SNX8: variants seen among roughly 807,000 people sequenced by gnomAD.
SNX8 encodes sorting nexin 8.
SNX8 carries 25 observed loss-of-function variants against 51.6 expected under a neutral mutation model. The observed-to-expected ratio is 0.48, with a 90% confidence interval of 0.35 to 0.68. SNX8 has a LOEUF of 0.68. SNX8 is among the 30% of genes least tolerant of loss of function. The probability of loss-of-function intolerance (pLI) is 0.00; values close to 1 mark genes in which losing one functional copy is unlikely to be tolerated. For synonymous variants in SNX8, 324 were observed against 277.0 expected, an observed-to-expected ratio of 1.17 and a Z score of -1.68; for missense variants, 695 against 624.0, an observed-to-expected ratio of 1.11 and a Z score of -1.21.
At chr7:2,326,459 A>G (rs1778623023) in intron 1 of SNX8, among the ~76,000 whole-genome samples, 1 of 151,848 alleles carries the variant, frequency 6.6e-6, no homozygotes, top group Non-Finnish European at 1.5e-5. Flanking sequence ...AGGTCAGGAG[A>G]TCAAGACCAT....
intron 1 of SNX8, among the ~76,000 whole-genome samples, chr7:2,299,621 CAA>C (rs1337574947): frequency 2.0e-5 from 3 of 152,120 alleles, no homozygotes; most frequent in Admixed American, 6.6e-5. Flanking sequence ...TTTGGAGTTC[CAA>C]AAAGAGTCCT....
intron 4 of SNX8, among the ~76,000 whole-genome samples, chr7:2,270,766 G>A (rs761531127): frequency 2.0e-5 from 3 of 152,194 alleles, no homozygotes; most frequent in Non-Finnish European, 4.4e-5. Context: ...CGAGAGGAAC[G>A]AAGACAAAAG....
At chr7:2,327,815 TG>T (rs761675864) in intron 1 of SNX8, among the ~76,000 whole-genome samples, 111 of 151,870 alleles carry the variant, frequency 7.3e-4, no homozygotes, top group African/African-American at 2.2e-3. Flanking sequence ...GTGCTGGGAT[TG>T]ACAGGCGTGA....
At chr7:2,337,850 TG>T (rs1223759656) in intron 1 of SNX8, among the ~76,000 whole-genome samples, 3 of 64,746 alleles carry the variant, frequency 4.6e-5, no homozygotes, top group Non-Finnish European at 8.4e-5. Flanking sequence ...AAGGATATCT[TG>T]TAAAAAAAAA....
intron 7 of SNX8, 55 bp from the exon 8 acceptor site, chr7:2,257,858 C>T (rs2115090626): frequency 6.5e-7 from 1 of 1,538,118 alleles, no homozygotes; most frequent in Non-Finnish European, 9.0e-7. Context: ...CCGGTCCCTG[C>T]CCGGGAACTC....
At chr7:2,301,063 T>C (rs1185124162) in intron 1 of SNX8, among the ~76,000 whole-genome samples, 1 of 152,262 alleles carries the variant, frequency 6.6e-6, no homozygotes, top group African/African-American at 2.4e-5. Flanking sequence ...TCCTGTTTCC[T>C]AACTTTAAAG....
intron 7 of SNX8, among the ~76,000 whole-genome samples, chr7:2,259,017 G>A (rs1463066370): frequency 6.6e-6 from 1 of 152,192 alleles, no homozygotes; most frequent in Non-Finnish European, 1.5e-5. Flanking sequence ...AGCAGCCCTC[G>A]GTGGGGGCGC....
intron 1 of SNX8, among the ~76,000 whole-genome samples, chr7:2,341,609 C>T (rs1485524423): frequency 6.6e-6 from 1 of 152,062 alleles, no homozygotes; most frequent in East Asian, 1.9e-4. Flanking sequence ...GAGTTAGAGG[C>T]TGCAGTGAGC....
intron 7 of SNX8, among the ~76,000 whole-genome samples, chr7:2,260,925 G>T (rs988122787): frequency 1.3e-5 from 2 of 152,170 alleles, no homozygotes; most frequent in African/African-American, 4.8e-5. Flanking sequence ...GTGGAAATGC[G>T]GCATCCAGGG....
At chr7:2,281,503 A>C (rs1447846137) in intron 1 of SNX8, among the ~76,000 whole-genome samples, 1 of 152,156 alleles carries the variant, frequency 6.6e-6, no homozygotes, top group Non-Finnish European at 1.5e-5. Flanking sequence ...GAACGGGCAG[A>C]AACACCAGGA....
chr7:2,351,810 G>C (rs977184730), intron 1 of SNX8, among the ~76,000 whole-genome samples: 5 of 151,238 alleles, frequency 3.3e-5, no homozygotes, highest in Non-Finnish European at 7.4e-5. Flanking sequence ...CAGCCTGGGC[G>C]ACAGAGTGAG....
At chr7:2,258,069 G>T (rs1453159379) in intron 7 of SNX8, among the ~76,000 whole-genome samples, 1 of 148,854 alleles carries the variant, frequency 6.7e-6, no homozygotes. Context: ...GGAATGCAGT[G>T]GCACGATCTC....
chr7:2,331,074 T>C lies in SNX8; in HGVS notation c.-66+23148A>G, dbSNP rs571561693. On this transcript the variant is annotated intron_variant, in intron 1 of 5. Transcript: ENST00000435336. ...GGTGGCAGGCACCTGTAATTGCAGC[T>C]ACTTGGGAGGCTGAGGCAGGAGAAT... is the stretch of plus-strand genomic sequence containing the variant. Among the ~76,000 whole-genome samples the C allele has an allele frequency of 2.0e-5, 3 of 149,380 alleles. No individual in the cohort carries two copies. In the East Asian group the frequency reaches 6.0e-4, roughly 30 times the overall value.
intron 1 of SNX8, 73 bp from the exon 2 acceptor site, chr7:2,278,378 G>A (rs990152759): frequency 8.4e-6 from 8 of 953,270 alleles, no homozygotes; most frequent in South Asian, 3.4e-5. Context: ...GCACAGTGGC[G>A]CAGCCCTGTA....
rs61385746 is a variant in SNX8, at chr7:2,331,705, AAAATAAAT to A, written c.-66+22509_-66+22516del. On this transcript the variant is annotated intron_variant, in intron 1 of 5. Transcript: ENST00000435336. ...GGGCAACAGAGTGACACTCCGTCTC[AAAATAAAT>A]AAATAAATAAATAAATAAATAAATA... Among the ~76,000 whole-genome samples the A allele has an allele frequency of 2.9e-4, 42 of 145,604 alleles. 1 individual carries two copies. Among genetic ancestry groups the A allele is most frequent in the South Asian group, 6.8e-4 (3 of 4,424 alleles).
intron 2 of SNX8, among the ~76,000 whole-genome samples, chr7:2,277,523 G>A (rs147687634): frequency 3.3e-5 from 5 of 152,290 alleles, no homozygotes; most frequent in East Asian, 3.9e-4. Context: ...CCTCCAGGCC[G>A]GGCGCGGTGG....
At chr7:2,318,449 G>A (rs962622076), upstream of SNX8, among the ~76,000 whole-genome samples, 4 of 151,468 alleles carry the variant, frequency 2.6e-5, no homozygotes, top group South Asian at 4.2e-4. Context: ...GTGTGAACCC[G>A]GGAGGCAGAG....
At chr7:2,325,768 A>G (rs949916134) in intron 1 of SNX8, among the ~76,000 whole-genome samples, 1 of 152,060 alleles carries the variant, frequency 6.6e-6, no homozygotes, top group African/African-American at 2.4e-5. Context: ...GGAGGCGGAG[A>G]CTGCAGTGAG....
intron 1 of SNX8, among the ~76,000 whole-genome samples, chr7:2,284,683 C>A (rs916414381): frequency 6.6e-6 from 1 of 151,542 alleles, no homozygotes; most frequent in South Asian, 2.1e-4. Context: ...GGATTACAGG[C>A]GTGAGCCACT....
Sources: gnomAD v4.1 joint callset for allele counts (sites outside exome capture counted in the v4.1 genomes callset) on GRCh38, gnomAD v4.1.1 for gene constraint, MANE v1.5 for transcripts, NCBI Gene and HGNC (gene_info 2026-07-23, HGNC 2026-07-21) for gene names.